NAV3: variants seen among roughly 807,000 people sequenced by gnomAD.
NAV3 encodes the protein neuron navigator 3.
Under a neutral mutation model 244.7 loss-of-function variants are expected in NAV3, and 87 were observed. The observed-to-expected ratio is 0.36, with a 90% CI of 0.30 to 0.42. The LOEUF (loss-of-function observed/expected upper bound fraction) is 0.42, where lower values mean the gene tolerates loss of function less well. Among genes scored for constraint, NAV3 ranks in the 20% least tolerant of loss-of-function variants. The probability of loss-of-function intolerance (pLI) is 1.00; values close to 1 mark genes in which losing one functional copy is unlikely to be tolerated. For missense variants in NAV3, 2,663 were observed against 2,893.3 expected (o/e 0.92, Z 1.83); for synonymous variants, 1,126 against 1,042.2 (o/e 1.08, Z -1.55).
chr12:78,116,409 T>G (rs921018456), intron 12 of NAV3, among the ~76,000 whole-genome samples: 9 of 152,264 alleles, frequency 5.9e-5, no homozygotes, highest in Non-Finnish European at 1.3e-4. Flanking sequence ...AAGAATAAAT[T>G]TGTACATGCT....
intron 2 of NAV3, among the ~76,000 whole-genome samples, chr12:77,772,032 A>T (rs1042247531): frequency 2.0e-5 from 3 of 152,360 alleles, no homozygotes; most frequent in African/African-American, 7.2e-5. Context: ...GCTAATATTT[A>T]TCATCCTTTT....
At chr12:77,776,240 C>T (rs1279544085) in intron 2 of NAV3, among the ~76,000 whole-genome samples, 3 of 152,104 alleles carry the variant, frequency 2.0e-5, no homozygotes, top group Non-Finnish European at 2.9e-5. Flanking sequence ...ATTTTAAAAA[C>T]ATGTAAATAA....
intron 9 of NAV3, among the ~76,000 whole-genome samples, chr12:78,031,835 T>C (rs1879045114): frequency 6.6e-6 from 1 of 151,458 alleles, no homozygotes; most frequent in Non-Finnish European, 1.5e-5. Context: ...TGTATACATA[T>C]GTAACTAACC....
intron 12 of NAV3, chr12:78,091,412 A>G (rs1953925114): frequency 6.6e-6 from 1 of 152,228 alleles, no homozygotes; most frequent in Non-Finnish European, 1.5e-5. Context: ...TGATTCTATG[A>G]GAAATATTCA....
intron 2 of NAV3, among the ~76,000 whole-genome samples, chr12:77,754,391 A>T (rs74106531): frequency 6.6e-6 from 1 of 152,012 alleles, no homozygotes; most frequent in Admixed American, 6.6e-5. Flanking sequence ...TTCAAGCTAC[A>T]CTCCAACACA....
At chr12:77,691,967 T>C (rs190671342) in intron 2 of NAV3, among the ~76,000 whole-genome samples, 45 of 152,020 alleles carry the variant, frequency 3.0e-4, no homozygotes, top group Admixed American at 2.6e-3. Flanking sequence ...TATTTAAAGG[T>C]AGAGACTATA....
At chr12:77,616,012 A>G (rs187817622) in intron 2 of NAV3, among the ~76,000 whole-genome samples, 8 of 152,258 alleles carry the variant, frequency 5.3e-5, no homozygotes, top group Admixed American at 5.2e-4. Context: ...CATAAAATTC[A>G]TATTAGTTCT....
At position 77,611,759 on chromosome 12, in the gene NAV3, A is replaced by G. The variant is rs375351369; in HGVS notation, c.72+39493A>G. The stretch of plus-strand genomic sequence containing the variant: ...AATGATGAGCAAAAAGTGCTTTAAT[A>G]AAAGTAAATAATTGAGTATGGGTTA... On this transcript the variant is annotated intron_variant, in intron 2 of 8. Coordinates refer to the NAV3 transcript ENST00000550042. Among the ~76,000 whole-genome samples, 11 of 152,202 alleles carry G rather than the reference A, an allele frequency of 7.2e-5. No homozygotes were observed. In the South Asian group the frequency reaches 8.3e-4, roughly 11 times the overall value.
chr12:77,966,423 A>C, intron 4 of NAV3, 122 bp downstream of exon 4: 1 of 753,204 alleles, frequency 1.3e-6, no homozygotes, highest in Non-Finnish European at 2.2e-6. Context: ...AAATTGGTGA[A>C]GTCTTCAAGA....
chr12:78,100,276 C>T (rs1954472758), intron 12 of NAV3, among the ~76,000 whole-genome samples: 1 of 151,824 alleles, frequency 6.6e-6, no homozygotes, highest in Admixed American at 6.6e-5. Context: ...GTAGACTTCC[C>T]TTGATACATG....
At chr12:78,040,282 G>A (rs531198616) in intron 9 of NAV3, among the ~76,000 whole-genome samples, 11 of 152,010 alleles carry the variant, frequency 7.2e-5, no homozygotes, top group Admixed American at 6.6e-5. Context: ...CTCAATAAGC[G>A]TTGGAAAGAA....
chr12:77,699,932 T>C (rs1367029968), intron 2 of NAV3, among the ~76,000 whole-genome samples: 1 of 152,056 alleles, frequency 6.6e-6, no homozygotes, highest in East Asian at 1.9e-4. Context: ...AAATTGCAGC[T>C]ATGTTTTAAA....
intron 33 of NAV3, among the ~76,000 whole-genome samples, chr12:78,189,475 T>A (rs766767565): frequency 4.0e-5 from 6 of 151,474 alleles, no homozygotes; most frequent in Non-Finnish European, 8.9e-5. Flanking sequence ...GCTTGAGTGG[T>A]TGTACAACTA....
chr12:78,118,719 G>A lies in NAV3; in HGVS notation c.3040+422G>A, dbSNP rs11838050. Among the ~76,000 whole-genome samples the A allele has an allele frequency of 5.2e-3, 790 of 152,296 alleles. 11 individuals are homozygous for A. The highest frequency in any genetic ancestry group is 0.018 in the African/African-American group (754 of 41,570). On this transcript the variant is annotated intron_variant, in intron 14 of 39. Coordinates refer to ENST00000397909, the MANE Select transcript of NAV3 (RefSeq NM_001024383.2). The stretch of plus-strand genomic sequence containing the variant: ...AACAAGCAATGACACTAATCAATTG[G>A]AATGCTGGAGATTTGAAATATTGTC...
chr12:78,157,482 G>A (rs935216690), intron 22 of NAV3, among the ~76,000 whole-genome samples: 1 of 151,836 alleles, frequency 6.6e-6, no homozygotes, highest in Non-Finnish European at 1.5e-5. Context: ...GATCACTTTA[G>A]CCCAGGAGTT....
At chr12:77,761,994 C>G (rs964010520) in intron 2 of NAV3, among the ~76,000 whole-genome samples, 4 of 152,168 alleles carry the variant, frequency 2.6e-5, no homozygotes, top group South Asian at 2.1e-4. Context: ...TTTTTCACAG[C>G]ACTATTCACA....
chr12:77,968,752 A>C, intron 5 of NAV3, 50 bp downstream of exon 5: 1 of 1,555,716 alleles, frequency 6.4e-7, no homozygotes, highest in South Asian at 1.2e-5. Context: ...GTGTAGATAC[A>C]ACTTGTTTTT....
intron 2 of NAV3, among the ~76,000 whole-genome samples, chr12:77,691,601 T>C (rs1477384478): frequency 6.6e-6 from 1 of 151,430 alleles, no homozygotes; most frequent in Non-Finnish European, 1.5e-5. Context: ...TTGATATGAA[T>C]GACCAGACAT....
chr12:78,057,734 A>G (rs1883717364), intron 11 of NAV3, among the ~76,000 whole-genome samples: 1 of 152,204 alleles, frequency 6.6e-6, no homozygotes, highest in South Asian at 2.1e-4. Flanking sequence ...AGCAATTTAA[A>G]CATAGCTTGT....
Sources: gnomAD v4.1 joint callset for allele counts (sites outside exome capture counted in the v4.1 genomes callset) on GRCh38, gnomAD v4.1.1 for gene constraint, MANE v1.5 for transcripts, NCBI Gene and HGNC (gene_info 2026-07-23, HGNC 2026-07-21) for gene names.